The following MSRA variants were observed in gnomAD, a reference collection of about 807,000 sequenced individuals.
MSRA encodes the protein mitochondrial peptide methionine sulfoxide reductase.
A neutral mutation model predicts 31.3 loss-of-function variants in MSRA; 54 were observed. The ratio of observed to expected loss-of-function variants is 1.73; its 90% confidence interval spans 1.39 to 2.17. The LOEUF is 2.17. MSRA is among the 30% of genes most tolerant of loss of function. MSRA has a pLI of 0.00. For synonymous variants in MSRA, 169 were observed against 116.5 expected (o/e 1.45, Z -2.90); for missense variants, 507 against 300.9 (o/e 1.69, Z -5.07).
intron 2 of MSRA, among the ~76,000 whole-genome samples, chr8:10,231,286 TGA>T (rs1811452556): frequency 6.6e-6 from 1 of 152,096 alleles, no homozygotes; most frequent in Admixed American, 6.5e-5. Flanking sequence ...ACATAAAATT[TGA>T]GAGACTGGAA....
chr8:10,319,686 C>T (rs1801931480), intron 4 of MSRA, among the ~76,000 whole-genome samples, 197 bp from the exon 5 acceptor site: 1 of 151,694 alleles, frequency 6.6e-6, no homozygotes, highest in Non-Finnish European at 1.5e-5. Flanking sequence ...GTAATTAAAA[C>T]AGGCAAATCA....
intron 5 of MSRA, among the ~76,000 whole-genome samples, chr8:10,322,305 G>A (rs549193518): frequency 1.4e-5 from 2 of 144,732 alleles, no homozygotes; most frequent in African/African-American, 5.0e-5. Context: ...GATGCAGGGA[G>A]ATGAGTTGGG....
At chr8:10,101,917 T>C (rs1216619226) in intron 1 of MSRA, among the ~76,000 whole-genome samples, 1 of 152,222 alleles carries the variant, frequency 6.6e-6, no homozygotes, top group East Asian at 1.9e-4. Flanking sequence ...AGTGGAATTC[T>C]GGGTTGACAA....
chr8:10,401,266 C>T (rs1394471837), intron 5 of MSRA, among the ~76,000 whole-genome samples: 2 of 152,168 alleles, frequency 1.3e-5, no homozygotes, highest in Non-Finnish European at 2.9e-5. Flanking sequence ...GACATTTCTC[C>T]AAAGCAGAAA....
At chr8:10,356,429 A>G (rs774139268) in intron 5 of MSRA, among the ~76,000 whole-genome samples, 17 of 152,178 alleles carry the variant, frequency 1.1e-4, no homozygotes, top group Non-Finnish European at 2.4e-4. Context: ...CACCCCAGTT[A>G]CAGCTTTACA....
chr8:10,251,730 T>A (rs1216197605), intron 3 of MSRA, among the ~76,000 whole-genome samples: 1 of 152,172 alleles, frequency 6.6e-6, no homozygotes, highest in Non-Finnish European at 1.5e-5. Flanking sequence ...GTTCAGTGAA[T>A]GGACCCATTG....
At chr8:10,245,355 A>G (rs540753924) in intron 3 of MSRA, 132 bp downstream of exon 3, 2 of 794,822 alleles carry the variant, frequency 2.5e-6, no homozygotes, top group East Asian at 2.7e-5. Flanking sequence ...TTATTTGTAT[A>G]TATATACTTG....
At chr8:10,075,740 G>A (rs1480216310) in intron 1 of MSRA, among the ~76,000 whole-genome samples, 1 of 152,132 alleles carries the variant, frequency 6.6e-6, no homozygotes, top group Non-Finnish European at 1.5e-5. Flanking sequence ...TCTCAGTCCC[G>A]GCATAACTGC....
intron 2 of MSRA, among the ~76,000 whole-genome samples, chr8:10,219,516 T>C (rs1810292683): frequency 6.6e-6 from 1 of 152,030 alleles, no homozygotes; most frequent in African/African-American, 2.4e-5. Context: ...ATAATTCCCA[T>C]GAATGAAATT....
intron 1 of MSRA, among the ~76,000 whole-genome samples, chr8:10,194,263 C>T (rs1049672980): frequency 6.6e-6 from 1 of 152,162 alleles, no homozygotes; most frequent in Non-Finnish European, 1.5e-5. Flanking sequence ...ATCCTTCCCC[C>T]CCTTAAAAAG....
intron 1 of MSRA, among the ~76,000 whole-genome samples, chr8:10,074,571 C>A (rs998905945): frequency 6.6e-6 from 1 of 152,152 alleles, no homozygotes; most frequent in Non-Finnish European, 1.5e-5. Flanking sequence ...TGTCCTGCAT[C>A]TCTACATTCA....
intron 2 of MSRA, among the ~76,000 whole-genome samples, chr8:10,241,718 T>G (rs1011208494): frequency 6.6e-5 from 10 of 151,618 alleles, no homozygotes; most frequent in Non-Finnish European, 1.0e-4. Context: ...AACTAGACAT[T>G]TTGTGCTTTC....
chr8:10,082,342 G>C (rs954765881), intron 1 of MSRA, among the ~76,000 whole-genome samples: 2 of 152,272 alleles, frequency 1.3e-5, no homozygotes, highest in South Asian at 4.1e-4. Context: ...CACACATCAC[G>C]GAAGGGGGAC....
At chr8:10,322,933 T>C (rs958329121) in intron 5 of MSRA, among the ~76,000 whole-genome samples, 2 of 151,736 alleles carry the variant, frequency 1.3e-5, no homozygotes, top group Non-Finnish European at 2.9e-5. Flanking sequence ...CTACTAAAAA[T>C]ACAAAAATTA....
rs527398375 is a variant in MSRA at position 10,409,901 on chromosome 8, T to G, written c.544-18247T>G. The stretch of plus-strand genomic sequence containing the variant: ...ACATAGACCCTGTCTCTACAGAAAA[T>G]AAAAAGAATTAGCCTGGCATGGGTG... On this transcript the variant is annotated intron_variant, in intron 5 of 5. Coordinates refer to ENST00000317173, the MANE Select transcript of MSRA (RefSeq NM_012331.5). Among the ~76,000 whole-genome samples the G allele has an allele frequency of 2.0e-5, 3 of 152,074 alleles. No individual in the cohort carries two copies. The South Asian group carries it at 6.2e-4, about 32-fold the overall frequency.
intron 1 of MSRA, among the ~76,000 whole-genome samples, chr8:10,064,680 C>T (rs7812741): frequency 0.11 from 16,328 of 152,040 alleles, 977 homozygotes; most frequent in African/African-American, 0.14. Context: ...GTTGAATTTT[C>T]CTTTAAAAAG....
chr8:10,128,982 T>C (rs1466964776), intron 1 of MSRA, among the ~76,000 whole-genome samples: 1 of 152,204 alleles, frequency 6.6e-6, no homozygotes, highest in Non-Finnish European at 1.5e-5. Context: ...CCCTTTACGC[T>C]ATATAATATG....
intron 3 of MSRA, among the ~76,000 whole-genome samples, chr8:10,247,544 G>T (rs1239914985): frequency 6.6e-6 from 1 of 152,166 alleles, no homozygotes; most frequent in Admixed American, 6.5e-5. Context: ...GAAGGAAAAA[G>T]GGCCAAGCCA....
chr8:10,396,463 A>T (rs537761130), intron 5 of MSRA, among the ~76,000 whole-genome samples: 28 of 152,356 alleles, frequency 1.8e-4, no homozygotes, highest in African/African-American at 6.5e-4. Context: ...TATGGCAAAA[A>T]TGAGATAGAA....
Sources: gnomAD v4.1 joint callset for allele counts (sites outside exome capture counted in the v4.1 genomes callset) on GRCh38, gnomAD v4.1.1 for gene constraint, MANE v1.5 for transcripts, NCBI Gene and HGNC (gene_info 2026-07-23, HGNC 2026-07-21) for gene names.